Variants in LRP1B observed in about 807,000 individuals in gnomAD.
LRP1B encodes the protein low-density lipoprotein receptor-related protein 1B.
A neutral mutation model predicts 556.6 loss-of-function variants in LRP1B; 217 were observed. The observed-to-expected ratio is 0.39, with a 90% CI of 0.35 to 0.44. LRP1B has a LOEUF of 0.44. Among genes scored for constraint, LRP1B ranks in the 20% least tolerant of loss-of-function variants. The pLI is 1.00. For synonymous variants in LRP1B, 2,047 were observed against 1,865.8 expected, an observed-to-expected ratio of 1.10 and a Z score of -2.50; for missense variants, 5,053 against 5,620.8, an observed-to-expected ratio of 0.90 and a Z score of 3.23.
chr2:141,324,914 A>G (rs973685129), intron 3 of LRP1B, among the ~76,000 whole-genome samples: 2 of 152,114 alleles, frequency 1.3e-5, no homozygotes, highest in African/African-American at 4.8e-5. Flanking sequence ...AATTTTTCAT[A>G]TATACGGTTC....
intron 3 of LRP1B, among the ~76,000 whole-genome samples, chr2:141,403,204 T>C (rs888278657): frequency 1.1e-4 from 16 of 152,134 alleles, no homozygotes; most frequent in African/African-American, 3.9e-4. Context: ...AAATATCCAC[T>C]AAACTAATGT....
intron 2 of LRP1B, among the ~76,000 whole-genome samples, chr2:141,536,989 G>A (rs1313965297): frequency 6.6e-6 from 1 of 151,438 alleles, no homozygotes; most frequent in Non-Finnish European, 1.5e-5. Context: ...TTGAGGAAAT[G>A]ATAAATGAGA....
At chr2:140,364,918 A>G in intron 71 of LRP1B, 135 bp from the exon 72 acceptor site, 1 of 637,720 alleles carries the variant, frequency 1.6e-6, no homozygotes, top group Non-Finnish European at 2.5e-6. Flanking sequence ...TATTTCAAGC[A>G]TAATACCAGG....
intron 11 of LRP1B, among the ~76,000 whole-genome samples, chr2:141,047,421 T>C (rs1454987176): frequency 6.6e-6 from 1 of 152,146 alleles, no homozygotes; most frequent in East Asian, 1.9e-4. Flanking sequence ...AATATTCTCA[T>C]GCTCTCATTT....
chr2:141,972,178 T>C (rs1011884254), intron 1 of LRP1B, among the ~76,000 whole-genome samples: 4 of 151,636 alleles, frequency 2.6e-5, no homozygotes, highest in Non-Finnish European at 1.5e-5. Context: ...AGTAGTTTTA[T>C]TTTAAATGCA....
chr2:140,985,972 CT>C lies in LRP1B; in HGVS notation c.2770+3559del, dbSNP rs199958860. Among the ~76,000 whole-genome samples, 6 of 151,714 alleles carry C rather than the reference CT, an allele frequency of 4.0e-5. No individual in the cohort carries two copies. In the East Asian group the frequency reaches 1.2e-3, roughly 29 times the overall value. ...CTCCCTCTCTTTCCAGAGGTAACTA[CT>C]TTTAATTTGTTTTTATTTTTTTAAT... On this transcript the variant is annotated intron_variant, in intron 17 of 90. Coordinates refer to ENST00000389484, the MANE Select transcript of LRP1B (RefSeq NM_018557.3).
intron 14 of LRP1B, among the ~76,000 whole-genome samples, chr2:141,011,070 TCA>T (rs1491307306): frequency 1.7e-5 from 2 of 121,116 alleles, no homozygotes; most frequent in Admixed American, 8.4e-5. Flanking sequence ...TTGTATTCTC[TCA>T]GAGAGAGAGA....
At chr2:142,075,801 G>C (rs936267620) in intron 1 of LRP1B, among the ~76,000 whole-genome samples, 6 of 152,026 alleles carry the variant, frequency 3.9e-5, no homozygotes, top group Non-Finnish European at 8.8e-5. Context: ...ATTTACCTTA[G>C]GGAAGTTCAG....
intron 3 of LRP1B, among the ~76,000 whole-genome samples, chr2:141,436,002 C>T (rs1310630198): frequency 1.3e-5 from 2 of 152,154 alleles, no homozygotes; most frequent in Non-Finnish European, 2.9e-5. Flanking sequence ...ATTTCCATAA[C>T]ATGGAGCTGA....
At chr2:142,086,169 A>G (rs925476955) in intron 1 of LRP1B, among the ~76,000 whole-genome samples, 2 of 152,200 alleles carry the variant, frequency 1.3e-5, no homozygotes, top group Non-Finnish European at 2.9e-5. Context: ...CCAAGTGCGA[A>G]AATGTGTTGC....
At chr2:141,970,926 A>G (rs1012951260) in intron 1 of LRP1B, among the ~76,000 whole-genome samples, 5 of 151,576 alleles carry the variant, frequency 3.3e-5, no homozygotes, top group East Asian at 1.9e-4. Context: ...CTAGATTTAG[A>G]TGATGTTTAA....
rs143058738 is a variant in LRP1B at position 140,970,809 on chromosome 2, T to C, written c.2887+11351A>G. Among the ~76,000 whole-genome samples the C allele has an allele frequency of 7.2e-4, 100 of 139,664 alleles. 2 individuals are homozygous for C. The East Asian group carries it at 0.021, about 30-fold the overall frequency. The allele number at this position is 139,664 out of a possible 152,430, so 91.6% of individuals were successfully genotyped here. On this transcript the variant is annotated intron_variant, in intron 18 of 90. Transcript: ENST00000389484. ...AAGCTGCAGTGTAATGGAACACTCC[T>C]GGCTCACTGCAGCCTGGACGTCCTG...
At chr2:141,448,539 G>A (rs1681284808) in intron 3 of LRP1B, among the ~76,000 whole-genome samples, 1 of 152,188 alleles carries the variant, frequency 6.6e-6, no homozygotes, top group African/African-American at 2.4e-5. Flanking sequence ...CCAGGGCCTT[G>A]GTGGTGTAGG....
At chr2:142,114,559 T>C (rs1707115164) in intron 1 of LRP1B, among the ~76,000 whole-genome samples, 1 of 152,130 alleles carries the variant, frequency 6.6e-6, no homozygotes, top group African/African-American at 2.4e-5. Flanking sequence ...ATGTGGTACA[T>C]ATACACAATG....
intron 2 of LRP1B, among the ~76,000 whole-genome samples, chr2:141,758,563 C>T (rs551526464): frequency 5.5e-4 from 84 of 151,902 alleles, no homozygotes; most frequent in African/African-American, 1.9e-3. Context: ...AATCACTAAA[C>T]AAAATCTTGA....
At chr2:141,773,237 T>G (rs539177413) in intron 2 of LRP1B, among the ~76,000 whole-genome samples, 1 of 152,328 alleles carries the variant, frequency 6.6e-6, no homozygotes, top group African/African-American at 2.4e-5. Flanking sequence ...TTTGACACAA[T>G]TAAAAGTAGA....
Position 141,693,165 on chromosome 2 carries a change from T to G in LRP1B, c.205+117114A>C, listed in dbSNP as rs144226335. ...CACTAAATTGTAAGCTTCTTGAAAG[T>G]AGAGTCTTTTTGTCCTATGCCCCCA... On this transcript the variant is annotated intron_variant, in intron 2 of 90. Coordinates refer to ENST00000389484, the MANE Select transcript of LRP1B (RefSeq NM_018557.3). Among the ~76,000 whole-genome samples the G allele has an allele frequency of 1.6e-3, 238 of 152,184 alleles. 2 individuals carry two copies. Among genetic ancestry groups the G allele is most frequent in the African/African-American group, 5.5e-3 (229 of 41,564 alleles).
At chr2:141,984,106 G>A (rs1475699034) in intron 1 of LRP1B, among the ~76,000 whole-genome samples, 1 of 152,120 alleles carries the variant, frequency 6.6e-6, no homozygotes, top group Non-Finnish European at 1.5e-5. Flanking sequence ...CCAGCCTGCT[G>A]GAGTGGCAGG....
intron 41 of LRP1B, 77 bp from the exon 42 acceptor site, chr2:140,601,716 G>T: frequency 2.0e-6 from 2 of 986,322 alleles, no homozygotes; most frequent in Non-Finnish European, 1.4e-6. Context: ...AAGCATTTAA[G>T]ACATACATGT....
Sources: gnomAD v4.1 joint callset for allele counts (sites outside exome capture counted in the v4.1 genomes callset) on GRCh38, gnomAD v4.1.1 for gene constraint, MANE v1.5 for transcripts, NCBI Gene and HGNC (gene_info 2026-07-23, HGNC 2026-07-21) for gene names.